Variants in ODR4 observed in about 807,000 individuals in gnomAD.
ODR4 encodes the protein odr-4 GPCR localization factor homolog.
In ODR4, 47 loss-of-function variants were observed where a neutral mutation model predicts 60.2. That is an observed-to-expected ratio of 0.78 (90% CI 0.62 to 1.00). The LOEUF (loss-of-function observed/expected upper bound fraction) is 1.00. Among genes scored for constraint, ODR4 ranks in the 50% least tolerant of loss-of-function variants. The pLI is 0.00. For synonymous variants in ODR4, 178 were observed against 175.5 expected (o/e 1.01, Z -0.11); for missense variants, 488 against 530.8 (o/e 0.92, Z 0.79).
chr1:186,428,407 C>T, the ODR4 span, among the ~76,000 whole-genome samples: 3 of 152,210 alleles, frequency 2.0e-5, no homozygotes, highest in Admixed American at 2.0e-4. Flanking sequence ...TCTTAGTCTT[C>T]ACAGAATTGA....
intron 12 of ODR4, among the ~76,000 whole-genome samples, chr1:186,415,285 C>A (rs1661521244): frequency 6.6e-6 from 1 of 151,606 alleles, no homozygotes; most frequent in Non-Finnish European, 1.5e-5. Context: ...TCTTTTTCAT[C>A]CATTTTAGTA....
At chr1:186,383,764 A>AT (rs1209090881) in intron 3 of ODR4, among the ~76,000 whole-genome samples, 4 of 151,392 alleles carry the variant, frequency 2.6e-5, no homozygotes, top group Non-Finnish European at 5.9e-5. Context: ...TTTAAAAAAA[A>AT]AATAAAATCT....
chr1:186,428,471 C>G, the ODR4 span, among the ~76,000 whole-genome samples: 178 of 152,316 alleles, frequency 1.2e-3, no homozygotes, highest in Middle Eastern at 3.4e-3. Context: ...AATGTTGTGG[C>G]TGGTTTGATC....
chr1:186,423,443 CTTTTTTTTTTT>C (rs34515188), downstream of ODR4, among the ~76,000 whole-genome samples: 70 of 44,736 alleles, frequency 1.6e-3, no homozygotes, highest in Non-Finnish European at 2.3e-3. Flanking sequence ...ACTACTTGTG[CTTTTTTTTTTT>C]TTTTTTTTTT....
the ODR4 span, among the ~76,000 whole-genome samples, chr1:186,430,565 AG>A: frequency 4.5e-4 from 68 of 152,164 alleles, no homozygotes; most frequent in African/African-American, 1.6e-3. Flanking sequence ...CTAAGATGTT[AG>A]ACTGCAATTT....
rs931400747 is a variant in ODR4, at chr1:186,386,025, G to C, written c.272G>C (p.Gly91Ala). 1 of 1,605,764 alleles carries C rather than the reference G, an allele frequency of 6.2e-7. No individual in the cohort carries two copies. The highest frequency in any genetic ancestry group is 1.3e-5 in the African/African-American group (1 of 74,622). Residue 91 changes from glycine (G) to alanine (A), a missense_variant, in exon 4 of 14, where the codon GGA (glycine) becomes GCA (alanine). By Grantham distance (60) the Gly-to-Ala change is moderately conservative. Coordinates refer to ENST00000287859, the MANE Select transcript of ODR4 (RefSeq NM_017847.6). ...RMLPGGLLVL[G>A]VFIITTLELA... ...CTACCAGGGGGACTTTTAGTTCTTG[G>C]AGTATTTATTATTACTACTTTAGAA...
Position 186,391,808 on chromosome 1 carries a change from T to A in ODR4, c.711+17T>A, listed in dbSNP as rs1304322062. 1 of 1,455,804 alleles carries A rather than the reference T, an allele frequency of 6.9e-7. No individual in the cohort carries two copies. The highest frequency in any genetic ancestry group is 9.5e-7 in the Non-Finnish European group (1 of 1,049,032). The allele number at this position is 1,455,804 out of a possible 1,614,324, so 90.2% of individuals were successfully genotyped here. ...GAAGGACAGGTAAGTTAAGAGAAAA[T>A]CATCTTATTAAATTGTTAGTGCTTA... is the stretch of plus-strand genomic sequence containing the variant. On this transcript the variant is annotated intron_variant, in intron 8 of 13. Transcript: ENST00000287859.
chr1:186,383,279 T>A, intron 3 of ODR4, 123 bp downstream of exon 3: 1 of 1,093,408 alleles, frequency 9.1e-7, no homozygotes, highest in Non-Finnish European at 1.3e-6. Context: ...ATGACTGAGA[T>A]TTTTAGTCTG....
chr1:186,397,943 A>G (rs1001582347), intron 9 of ODR4, among the ~76,000 whole-genome samples: 2 of 152,234 alleles, frequency 1.3e-5, no homozygotes, highest in African/African-American at 4.8e-5. Flanking sequence ...GCATTGCACA[A>G]CTTATATCTA....
rs369205023 is a variant in ODR4 at position 186,398,875 on chromosome 1, TA to T, written c.910-78del. The T allele has an allele frequency of 8.6e-4, 903 of 1,055,304 alleles. 9 individuals are homozygous for T. In the South Asian group the frequency reaches 0.011, roughly 13 times the overall value. 65.4% of individuals were successfully genotyped at this position (1,055,304 alleles called of 1,614,324 possible). ...GGCATGATTGTACTGGAAAGCAAAT[TA>T]TTTTTTTTGTTAGTTAAATATTGTA... On this transcript the variant is annotated intron_variant, in intron 10 of 13. Coordinates refer to ENST00000287859, the MANE Select transcript of ODR4 (RefSeq NM_017847.6).
At chr1:186,434,204 G>A in the ODR4 span, among the ~76,000 whole-genome samples, 1 of 151,938 alleles carries the variant, frequency 6.6e-6, no homozygotes, top group Non-Finnish European at 1.5e-5. Flanking sequence ...CTCTTTAAAT[G>A]TATTTGTCTG....
At chr1:186,423,884 A>G (rs917821010), downstream of ODR4, among the ~76,000 whole-genome samples, 1 of 152,206 alleles carries the variant, frequency 6.6e-6, no homozygotes, top group Non-Finnish European at 1.5e-5. Context: ...AACCATAATT[A>G]ATAACATTTT....
At chr1:186,435,004 T>C in the ODR4 span, among the ~76,000 whole-genome samples, 1 of 152,092 alleles carries the variant, frequency 6.6e-6, no homozygotes, top group African/African-American at 2.4e-5. Context: ...TAACCTAGGG[T>C]GAAACACCTT....
At chr1:186,416,085 A>G (rs984058685) in intron 12 of ODR4, among the ~76,000 whole-genome samples, 4 of 151,832 alleles carry the variant, frequency 2.6e-5, no homozygotes, top group Non-Finnish European at 5.9e-5. Context: ...TTTTTTTTTT[A>G]CAGTCTTTTA....
At chr1:186,380,130 A>G (rs1203565176) in intron 2 of ODR4, among the ~76,000 whole-genome samples, 3 of 152,220 alleles carry the variant, frequency 2.0e-5, no homozygotes, top group Admixed American at 6.5e-5. Flanking sequence ...CGTAATTTAT[A>G]ATATGGAAAC....
rs181389275 is a variant in ODR4, at chr1:186,400,837, C to T, written c.1000+1793C>T. ...TGCTGGAACATGAATTTGAATCTTACATGCAACAATTGGATTGAGAGTTTT... is the reference window on the plus strand; with the variant it reads ...TGCTGGAACATGAATTTGAATCTTATATGCAACAATTGGATTGAGAGTTTT... On this transcript the variant is annotated intron_variant, in intron 11 of 13. Transcript: ENST00000287859. The T allele has an allele frequency of 7.6e-3, 3,153 of 414,116 alleles. 14 individuals are homozygous for T. Among genetic ancestry groups the T allele is most frequent in the Non-Finnish European group, 0.01 (2,387 of 231,802 alleles). 25.7% of individuals were successfully genotyped at this position (414,116 alleles called of 1,614,324 possible). A position where few individuals can be genotyped will look rare whatever the true frequency, so the allele number is the denominator to read the frequency against.
chr1:186,424,162 G>A (rs12747113), downstream of ODR4, among the ~76,000 whole-genome samples: 19,586 of 152,114 alleles, frequency 0.13, 1,588 homozygotes, highest in East Asian at 0.38. Context: ...TCAAATGTCC[G>A]TTGACAACAA....
At chr1:186,382,961 ACT>A in intron 2 of ODR4, 59 bp from the exon 3 acceptor site, 3 of 1,499,866 alleles carry the variant, frequency 2.0e-6, no homozygotes, top group South Asian at 1.3e-5. Context: ...TTTAGGTATC[ACT>A]CTAATTAGAT....
chr1:186,397,006 C>T (rs1238165402), intron 9 of ODR4, among the ~76,000 whole-genome samples: 1 of 152,088 alleles, frequency 6.6e-6, no homozygotes, highest in African/African-American at 2.4e-5. Flanking sequence ...ATTGTATCAG[C>T]ATCGTCACAC....
Sources: gnomAD v4.1 joint callset for allele counts (sites outside exome capture counted in the v4.1 genomes callset) on GRCh38, gnomAD v4.1.1 for gene constraint, MANE v1.5 for transcripts, NCBI Gene and HGNC (gene_info 2026-07-23, HGNC 2026-07-21) for gene names.